Variants in ESS2 observed in about 807,000 individuals in gnomAD.
ESS2 encodes the protein ess-2 spliceosome associated protein, also known as splicing factor ESS-2 homolog.
Under a neutral mutation model 52.0 loss-of-function variants are expected in ESS2, and 31 were observed. The ratio of observed to expected loss-of-function variants is 0.60; its 90% CI spans 0.45 to 0.81. ESS2 has a LOEUF of 0.81. ESS2 is among the 30% of genes least tolerant of loss of function. ESS2 has a pLI of 0.00. For missense variants in ESS2, 602 were observed against 637.2 expected, an observed-to-expected ratio of 0.94 and a Z score of 0.59; for synonymous variants, 285 against 259.2, an observed-to-expected ratio of 1.10 and a Z score of -0.95.
intron 3 of ESS2, among the ~76,000 whole-genome samples, chr22:19,141,781 A>C (rs959541617): frequency 6.6e-6 from 1 of 152,162 alleles, no homozygotes; most frequent in African/African-American, 2.4e-5. Context: ...TGAGGTCAGG[A>C]GTTCAAGACT....
chr22:19,142,639 G>A lies in ESS2; in HGVS notation c.305-6C>T, dbSNP rs780086309. 13 of 1,611,812 alleles carry A rather than the reference G, an allele frequency of 8.1e-6. No homozygotes were observed. In the African/African-American group the frequency reaches 1.7e-4, roughly 22 times the overall value. On this transcript the variant is annotated splice_polypyrimidine_tract_variant and splice_region_variant and intron_variant, in intron 2 of 9. Coordinates refer to ENST00000252137, the MANE Select transcript of ESS2 (RefSeq NM_022719.3). ...AAATGTGGCTGGAGTCACATCTAGG[G>A]GAAGAGAGGGGGATAAGAATTAGAG...
rs186093671 is a variant in ESS2, at chr22:19,142,651, G to A, written c.305-18C>T. 72 of 1,611,118 alleles carry A rather than the reference G, an allele frequency of 4.5e-5. No individual in the cohort carries two copies. In the African/African-American group the frequency reaches 6.7e-4, roughly 15 times the overall value. ...AGTCACATCTAGGGGAAGAGAGGGG[G>A]ATAAGAATTAGAGTGAGCCTGAAGC... On this transcript the variant is annotated intron_variant, in intron 2 of 9. Coordinates refer to ENST00000252137, the MANE Select transcript of ESS2 (RefSeq NM_022719.3).
In ESS2 at chr22:19,132,573, GA is replaced by G; in HGVS notation, c.*1622del. 1 of 1,234,322 alleles carries G rather than the reference GA, an allele frequency of 8.1e-7. No individual in the cohort carries two copies. The highest frequency in any genetic ancestry group is 1.1e-6 in the Non-Finnish European group (1 of 876,756). The allele number at this position is 1,234,322 out of a possible 1,614,324, so 76.5% of individuals were successfully genotyped here. A position where few individuals can be genotyped will look rare whatever the true frequency, so the allele number is the denominator to read the frequency against. On this transcript the variant is annotated 3_prime_UTR_variant, in exon 10 of 10. Coordinates refer to ENST00000252137, the MANE Select transcript of ESS2 (RefSeq NM_022719.3). This position sits in a 1 kb window ranked among gnomAD's most constrained non-coding sequence, Gnocchi z 4.2. ...ACTAAGTAGGCAGGTAGGATCTGAA[GA>G]AGGCACAGGTGCAAGTAAAATTCGT...
At chr22:19,139,463 TG>T in intron 5 of ESS2, 148 bp downstream of exon 5, 1 of 1,201,576 alleles carries the variant, frequency 8.3e-7, no homozygotes, top group Non-Finnish European at 1.2e-6. Flanking sequence ...CACACAGACC[TG>T]TCCACCCTTA....
rs541176998 is a variant in ESS2, at chr22:19,131,679, G to A, written c.*2517C>T. 89 of 1,614,092 alleles carry A rather than the reference G, an allele frequency of 5.5e-5. 1 individual carries two copies. The highest frequency in any genetic ancestry group is 2.7e-4 in the South Asian group (25 of 91,072). ...GATCTACATCATCATGGAGCTTGGC[G>A]TCCAGGGCGACCTCCTCGAGTTCAT... On this transcript the variant is annotated 3_prime_UTR_variant, in exon 10 of 10. Coordinates refer to ENST00000252137, the MANE Select transcript of ESS2 (RefSeq NM_022719.3). The surrounding 1 kb of genome is among the most constrained non-coding windows in gnomAD (Gnocchi z 5.7).
intron 9 of ESS2, 135 bp from the exon 10 acceptor site, chr22:19,134,610 G>T: frequency 1.0e-6 from 1 of 964,804 alleles, no homozygotes; most frequent in Non-Finnish European, 1.4e-6. Flanking sequence ...GGTACTGCCA[G>T]CATGGCAGCA....
At chr22:19,143,045 A>G in intron 1 of ESS2, 151 bp from the exon 2 acceptor site, 1 of 740,044 alleles carries the variant, frequency 1.4e-6, no homozygotes, top group East Asian at 2.7e-5. Flanking sequence ...TCTCTACTAG[A>G]AATACAAAAA....
intron 6 of ESS2, 23 bp downstream of exon 6, chr22:19,139,136 G>A: frequency 1.3e-6 from 2 of 1,567,408 alleles, no homozygotes; most frequent in Non-Finnish European, 8.6e-7. Flanking sequence ...GGCCCATGCG[G>A]CCCTGCTGAC....
Position 19,139,880 on chromosome 22 carries a change from T to C in ESS2, c.545A>G (p.Tyr182Cys), listed in dbSNP as rs770232270. The change falls in exon 4 of 10, where the codon TAC becomes TGC. Residue 182 changes from tyrosine to cysteine, a missense_variant. Physicochemically the swap from Tyr to Cys is radical, Grantham distance 194. Coordinates refer to ENST00000252137, the MANE Select transcript of ESS2 (RefSeq NM_022719.3). ...ERSRARHAWLYQAEEEFEKRQ... is the reference protein window; with the variant it reads ...ERSRARHAWLCQAEEEFEKRQ... ...CTTCTCAAACTCTTCCTCAGCCTGG[T>C]AGAGCCAAGCGTGGCGTGCCCGGCT... 6.2e-6 allele frequency: 10 copies of C among 1,614,004 alleles called. No homozygotes were observed. The highest frequency in any genetic ancestry group is 1.6e-4 in the Middle Eastern group (1 of 6,084).
At chr22:19,135,482 G>A (rs2083566073) in intron 8 of ESS2, among the ~76,000 whole-genome samples, 1 of 152,128 alleles carries the variant, frequency 6.6e-6, no homozygotes, top group Non-Finnish European at 1.5e-5. Flanking sequence ...CTTTATCGGC[G>A]CTCTGTATTT....
intron 2 of ESS2, 42 bp downstream of exon 2, chr22:19,142,684 C>T (rs2083710086): frequency 6.2e-7 from 1 of 1,609,580 alleles, no homozygotes; most frequent in Non-Finnish European, 8.5e-7. Flanking sequence ...AGCGACAGTT[C>T]AGCAGGCTTT....
At position 19,135,159 on chromosome 22, in the gene ESS2, C is replaced by T. The variant is rs968360558; in HGVS notation, c.1052G>A (p.Arg351His). The T allele has an allele frequency of 6.8e-6, 11 of 1,613,288 alleles. No homozygotes were observed. Among genetic ancestry groups the T allele is most frequent in the Non-Finnish European group, 9.3e-6 (11 of 1,179,452 alleles). Residue 351 changes from arginine to histidine, a missense_variant, in exon 9 of 10, where the codon CGC becomes CAC. Transcript: ENST00000252137. ...GPAFKILEPG[R>H]RERLGLKMAN... is the part of the protein sequence containing the mutation. ...CATCTTCAGACCCAGCCGCTCCCTG[C>T]GGCCTGGCTCCAGGATCTACAAGGT...
In ESS2 at chr22:19,132,315, AGGCCCGACCACC is replaced by A. The variant is rs762070638; in HGVS notation, c.*1869_*1880del. 54 of 1,612,932 alleles carry A rather than the reference AGGCCCGACCACC, an allele frequency of 3.3e-5. No homozygotes were observed. In the African/African-American group the frequency reaches 4.0e-4, roughly 12 times the overall value. On this transcript the variant is annotated 3_prime_UTR_variant, in exon 10 of 10. Coordinates refer to ENST00000252137, the MANE Select transcript of ESS2 (RefSeq NM_022719.3). The surrounding 1 kb of genome is among the most constrained non-coding windows in gnomAD (Gnocchi z 4.2). The stretch of plus-strand genomic sequence containing the variant: ...CAAACTGGACACCAAGACAGGCTTG[AGGCCCGACCACC>A]GGCCCGACCACAAGCTTGGAGCCAA...
In ESS2 at chr22:19,130,327, G is replaced by A. The variant is rs895919863; in HGVS notation, c.*3869C>T. 1 of 161,762 alleles carries A rather than the reference G, an allele frequency of 6.2e-6. No individual in the cohort carries two copies. Among genetic ancestry groups the A allele is most frequent in the Non-Finnish European group, 1.3e-5 (1 of 74,238 alleles). 10.0% of individuals were successfully genotyped at this position (161,762 alleles called of 1,614,324 possible). On this transcript the variant is annotated 3_prime_UTR_variant, in exon 10 of 10. Transcript: ENST00000252137. ...TGTAACTGGATACAGGGAGAAGGCT[G>A]GAGATAATTCCAGCAGACCAACTCA...
intron 9 of ESS2, 80 bp from the exon 10 acceptor site, chr22:19,134,555 G>C: frequency 7.2e-7 from 1 of 1,394,072 alleles, no homozygotes; most frequent in Non-Finnish European, 9.5e-7. Context: ...TTGGCTCCCA[G>C]GAAGAGCCTG....
At position 19,139,996 on chromosome 22, in the gene ESS2, C is replaced by T. The variant is rs1351691231; in HGVS notation, c.429G>A (p.Glu143=). The T allele has an allele frequency of 1.1e-5, 17 of 1,613,776 alleles. No individual in the cohort carries two copies. Among genetic ancestry groups the T allele is most frequent in the Non-Finnish European group, 1.4e-5 (16 of 1,180,004 alleles). ...GGAAGACATCTAGGCTGGGCAGCGGCTCCTTCTCCTCCTCCTCTCCAGCCT... is the reference window on the plus strand; with the variant it reads ...GGAAGACATCTAGGCTGGGCAGCGGTTCCTTCTCCTCCTCCTCTCCAGCCT... ...DGEAGEEEEK[E]PLPSLDVFLS... is the part of the protein sequence containing the mutation. Residue 143 remains glutamate (E), a synonymous_variant, in exon 4 of 10, where the codon GAG becomes GAA. Transcript: ENST00000252137.
intron 5 of ESS2, 39 bp from the exon 6 acceptor site, chr22:19,139,331 G>A (rs771700646): frequency 1.3e-6 from 2 of 1,546,106 alleles, no homozygotes; most frequent in South Asian, 1.2e-5. Context: ...GTGTCAGAAG[G>A]GCAGCAGCCT....
At chr22:19,140,072 G>A (rs1180861703) in intron 3 of ESS2, 48 bp from the exon 4 acceptor site, 6 of 1,597,944 alleles carry the variant, frequency 3.8e-6, no homozygotes, top group Non-Finnish European at 5.1e-6. Flanking sequence ...TTGCAGTCAG[G>A]AAAGAGGAGG....
chr22:19,142,704 G>C (rs371142852), intron 2 of ESS2, 22 bp downstream of exon 2: 1 of 1,610,618 alleles, frequency 6.2e-7, no homozygotes, highest in Admixed American at 1.7e-5. Context: ...TCCCCTCTCC[G>C]CCACCCACAG....
Sources: allele counts gnomAD v4.1 joint callset (sites outside exome capture counted in the v4.1 genomes callset), GRCh38; gene constraint gnomAD v4.1.1; non-coding constraint Gnocchi (gnomAD v3.1); transcripts MANE v1.5; gene names NCBI Gene and HGNC (gene_info 2026-07-23, HGNC 2026-07-21).